Variants in PNLDC1 observed in about 807,000 individuals in gnomAD.
PNLDC1 encodes the protein poly(A)-specific ribonuclease PNLDC1.
Under a neutral mutation model 82.0 loss-of-function variants are expected in PNLDC1, and 70 were observed. The observed-to-expected ratio is 0.85, with a 90% CI of 0.70 to 1.04. PNLDC1 has a LOEUF of 1.04. PNLDC1 is among the 50% of genes least tolerant of loss of function. The pLI is 0.00. For missense variants in PNLDC1, 631 were observed against 661.1 expected (o/e 0.95, Z 0.50); for synonymous variants, 280 against 249.3 (o/e 1.12, Z -1.16).
rs770447511 is a variant in PNLDC1 at position 159,819,071 on chromosome 6, C to T, written c.1383C>T (p.Val461=). Reference sequence around the variant, plus strand: ...TTCAGAATCTCTGCAAGTTTGATGTCAGGCGACTCACAAGAAGCCAGTTCT... The same window carrying T: ...TTCAGAATCTCTGCAAGTTTGATGTTAGGCGACTCACAAGAAGCCAGTTCT... ...HKFQNLCKFD[V]RRLTRSQFLL... Residue 461 remains valine, a synonymous_variant, in exon 17 of 19, where the codon GTC becomes GTT. Coordinates refer to ENST00000392167, the MANE Select transcript of PNLDC1 (RefSeq NM_001271862.2). The surrounding 1 kb of genome is among the most constrained non-coding windows in gnomAD (Gnocchi z 4.6). 2 of 1,613,914 alleles carry T rather than the reference C, an allele frequency of 1.2e-6. No homozygotes were observed. The highest frequency in any genetic ancestry group is 1.7e-6 in the Non-Finnish European group (2 of 1,180,010).
At chr6:159,820,408 G>T (rs7775650) in intron 18 of PNLDC1, 46 bp from the exon 19 acceptor site, 11 of 1,603,136 alleles carry the variant, frequency 6.9e-6, no homozygotes, top group African/African-American at 6.7e-5. Flanking sequence ...GGTGCCTCTC[G>T]GCCTGCTGGG....
rs200526210 is a variant in PNLDC1, at chr6:159,800,864, C to T, written c.134+35C>T. On this transcript the variant is annotated intron_variant, in intron 2 of 18. Coordinates refer to ENST00000392167, the MANE Select transcript of PNLDC1 (RefSeq NM_001271862.2). Reference sequence around the variant, plus strand: ...AAGCTGTGTCCCCTCTGTATAAGAGCCTGGCCAGACCAGCACTGTTTCTGG... The same window carrying T: ...AAGCTGTGTCCCCTCTGTATAAGAGTCTGGCCAGACCAGCACTGTTTCTGG... The T allele has an allele frequency of 2.9e-4, 469 of 1,613,830 alleles. 4 individuals carry two copies. In the East Asian group the frequency reaches 7.9e-3, roughly 27 times the overall value.
chr6:159,808,144 C>A (rs1311396172), intron 7 of PNLDC1, among the ~76,000 whole-genome samples: 3 of 152,140 alleles, frequency 2.0e-5, no homozygotes, highest in African/African-American at 7.2e-5. Flanking sequence ...GAACTCCTGA[C>A]CTCAGGTGAT....
rs755501449 is a variant in PNLDC1, at chr6:159,815,975, G to C, written c.1002G>C (p.Leu334Phe). Residue 334 changes from leucine to phenylalanine, a missense_variant, in exon 13 of 19, where the codon TTG becomes TTC. Leu to Phe is a conservative substitution (Grantham distance 22). Transcript: ENST00000392167. ...SEVYEVLNSD[L>F]NPTKNSGPEI... Reference sequence around the variant, plus strand: ...TATTTTTCTTTTCCAATAGTGACTTGAATCCCACCAAGAATTCTGGACCAG... The same window carrying C: ...TATTTTTCTTTTCCAATAGTGACTTCAATCCCACCAAGAATTCTGGACCAG... 6.2e-7 allele frequency: 1 copy of C among 1,613,028 alleles called. No individual in the cohort carries two copies.
intron 3 of PNLDC1, among the ~76,000 whole-genome samples, chr6:159,802,771 CAG>C (rs1781309398): frequency 6.6e-6 from 1 of 152,028 alleles, no homozygotes; most frequent in African/African-American, 2.4e-5. Context: ...TTAGTAGAGA[CAG>C]GGTTTCACCA....
chr6:159,805,922 T>C, intron 6 of PNLDC1, 61 bp from the exon 7 acceptor site: 1 of 1,216,084 alleles, frequency 8.2e-7, no homozygotes, highest in South Asian at 1.2e-5. Flanking sequence ...CATGTTAACA[T>C]AGTCTTGCGG....
chr6:159,820,341 G>A, intron 18 of PNLDC1, 113 bp from the exon 19 acceptor site: 7 of 1,007,194 alleles, frequency 7.0e-6, no homozygotes, highest in Non-Finnish European at 1.1e-5. Flanking sequence ...GAGAGTGACA[G>A]CAAGAAAGAA....
chr6:159,819,297 T>C lies in PNLDC1; in HGVS notation c.1477T>C (p.Cys493Arg). The C allele has an allele frequency of 6.2e-7, 1 of 1,613,946 alleles. No homozygotes were observed. Among genetic ancestry groups the C allele is most frequent in the Non-Finnish European group, 8.5e-7 (1 of 1,180,004 alleles). Residue 493 changes from cysteine to arginine, a missense_variant, in exon 18 of 19, where the codon TGC becomes CGC. Physicochemically the swap from Cys to Arg is radical, Grantham distance 180. Coordinates refer to ENST00000392167, the MANE Select transcript of PNLDC1 (RefSeq NM_001271862.2). This position sits in a 1 kb window ranked among gnomAD's most constrained non-coding sequence, Gnocchi z 4.6. ...GGAGTACCGGGACCACCCGACCCTGTGCATCTCCCTGTACCGCTACTGGAG... is the reference window on the plus strand; with the variant it reads ...GGAGTACCGGGACCACCCGACCCTGCGCATCTCCCTGTACCGCTACTGGAG... ...LKEYRDHPTL[C>R]ISLYRYWRHS...
intron 16 of PNLDC1, 143 bp from the exon 17 acceptor site, chr6:159,818,803 T>C (rs9347350): frequency 0.8 from 959,458 of 1,197,650 alleles, 386,663 homozygotes; most frequent in African/African-American, 0.9. Context: ...GTTTCTCCAC[T>C]AAAGCCAACA....
In PNLDC1 at chr6:159,819,304, C is replaced by G. The variant is rs772018934; in HGVS notation, c.1484C>G (p.Ser495Cys). ...CGGGACCACCCGACCCTGTGCATCT[C>G]CCTGTACCGCTACTGGAGGCACTCC... ...EYRDHPTLCI[S>C]LYRYWRHSPN... Residue 495 changes from serine (S) to cysteine (C), a missense_variant, in exon 18 of 19, where the codon TCC becomes TGC. Ser to Cys is a moderately radical substitution (Grantham distance 112). Coordinates refer to ENST00000392167, the MANE Select transcript of PNLDC1 (RefSeq NM_001271862.2). The surrounding 1 kb of genome is among the most constrained non-coding windows in gnomAD (Gnocchi z 4.6). The G allele has an allele frequency of 6.2e-7, 1 of 1,614,006 alleles. No individual in the cohort carries two copies. The highest frequency in any genetic ancestry group is 1.1e-5 in the South Asian group (1 of 91,082).
rs2115045846 is a variant in PNLDC1, at chr6:159,811,738, A to G, written c.891A>G (p.Leu297=). Residue 297 remains leucine, a synonymous_variant, in exon 11 of 19, where the codon CTA becomes CTG. Transcript: ENST00000392167. The part of the protein sequence containing the change: ...YDQFKQNIHS[L]FPVLIDTKSV... ...AATTTAAGCAGAATATCCACAGCCT[A>G]TTTCCTGTTCTCATTGATACCAAGA... 3.1e-6 allele frequency: 5 copies of G among 1,613,768 alleles called. No homozygotes were observed. In the South Asian group the frequency reaches 4.4e-5, roughly 14 times the overall value.
chr6:159,817,036 A>G, intron 14 of PNLDC1, 73 bp from the exon 15 acceptor site: 1 of 1,409,714 alleles, frequency 7.1e-7, no homozygotes, highest in Non-Finnish European at 1.0e-6. Flanking sequence ...ATTGGCTTGC[A>G]CATAATGAGA....
intron 7 of PNLDC1, 82 bp from the exon 8 acceptor site, chr6:159,808,658 T>C: frequency 7.6e-7 from 1 of 1,319,254 alleles, no homozygotes; most frequent in Non-Finnish European, 1.1e-6. Context: ...CCATCTCAGC[T>C]TCTGCTCCTC....
rs117763362 is a variant in PNLDC1, at chr6:159,809,354, G to A, written c.783+196G>A. Among the ~76,000 whole-genome samples the A allele has an allele frequency of 2.4e-3, 371 of 152,138 alleles. 12 individuals are homozygous for A. The East Asian group carries it at 0.056, about 23-fold the overall frequency. ...GGAAGGAGTGCAGTGGCATGAACAC[G>A]GTTCACTGCAGCCTTGACCTCCCAG... On this transcript the variant is annotated intron_variant, in intron 9 of 18. Transcript: ENST00000392167.
At chr6:159,811,659 A>G in intron 10 of PNLDC1, 42 bp from the exon 11 acceptor site, 1 of 1,534,374 alleles carries the variant, frequency 6.5e-7, no homozygotes, top group Non-Finnish European at 9.0e-7. Context: ...ATTTTTGCCA[A>G]CAAACAAATT....
chr6:159,810,293 G>T (rs1174020370), intron 10 of PNLDC1, among the ~76,000 whole-genome samples, 198 bp downstream of exon 10: 1 of 152,198 alleles, frequency 6.6e-6, no homozygotes, highest in African/African-American at 2.4e-5. Flanking sequence ...AGGAGACTTT[G>T]TCAAGGGGGA....
chr6:159,808,857 T>C (rs35872675), intron 8 of PNLDC1, 41 bp downstream of exon 8: 828,287 of 1,600,886 alleles, frequency 0.52, 221,031 homozygotes, highest in Admixed American at 0.59. Flanking sequence ...GGCTCCATTG[T>C]TTCTCTCTCA....
At chr6:159,814,429 A>G (rs1441271771) in intron 12 of PNLDC1, among the ~76,000 whole-genome samples, 1 of 152,058 alleles carries the variant, frequency 6.6e-6, no homozygotes, top group Admixed American at 6.6e-5. Context: ...CCTGGGCTTC[A>G]ACTCCCAGCT....
chr6:159,816,409 G>A (rs897059745), intron 13 of PNLDC1, 134 bp from the exon 14 acceptor site: 10 of 812,720 alleles, frequency 1.2e-5, no homozygotes, highest in Non-Finnish European at 1.5e-5. Flanking sequence ...TGAAGTTGGT[G>A]TGTGGGCCTG....
Sources: allele counts gnomAD v4.1 joint callset (sites outside exome capture counted in the v4.1 genomes callset), GRCh38; gene constraint gnomAD v4.1.1; non-coding constraint Gnocchi (gnomAD v3.1); transcripts MANE v1.5; gene names NCBI Gene and HGNC (gene_info 2026-07-23, HGNC 2026-07-21).